LIMCH1: variants seen among roughly 807,000 people sequenced by gnomAD.
LIMCH1 encodes LIM and calponin homology domains-containing protein 1.
Under a neutral mutation model 176.5 loss-of-function variants are expected in LIMCH1, and 113 were observed. The ratio of observed to expected loss-of-function variants is 0.64; its 90% confidence interval spans 0.55 to 0.75. The LOEUF (loss-of-function observed/expected upper bound fraction) is 0.75. Ranked by LOEUF, LIMCH1 falls within the 30% of genes least tolerant of loss-of-function variation. The pLI is 0.00. For synonymous variants in LIMCH1, 619 were observed against 645.9 expected, an observed-to-expected ratio of 0.96 and a Z score of 0.63; for missense variants, 1,674 against 1,814.9, an observed-to-expected ratio of 0.92 and a Z score of 1.41.
intron 1 of LIMCH1, among the ~76,000 whole-genome samples, chr4:41,547,777 T>C (rs13139426): frequency 0.25 from 36,165 of 142,332 alleles, 7,564 homozygotes; most frequent in African/African-American, 0.58. Flanking sequence ...TAAACATACA[T>C]ATAATATACA....
intron 1 of LIMCH1, among the ~76,000 whole-genome samples, chr4:41,463,736 T>A (rs536289023): frequency 1.3e-5 from 2 of 152,046 alleles, no homozygotes; most frequent in South Asian, 2.1e-4. Flanking sequence ...CGCTACCATG[T>A]GTGGCTAATT....
chr4:41,605,783 T>C (rs1473845822), intron 3 of LIMCH1, 111 bp from the exon 4 acceptor site: 3 of 615,198 alleles, frequency 4.9e-6, no homozygotes, highest in Non-Finnish European at 8.9e-6. Context: ...TTAAAATCGA[T>C]GTAAATCAGC....
At chr4:41,612,846 CCTTT>C (rs2091599292) in intron 4 of LIMCH1, 2 of 1,207,026 alleles carry the variant, frequency 1.7e-6, no homozygotes, top group South Asian at 1.7e-5. Flanking sequence ...TTTTTCATTG[CCTTT>C]CTTTTTTTTT....
chr4:41,589,092 T>G (rs1280687688), intron 1 of LIMCH1, among the ~76,000 whole-genome samples: 1 of 152,034 alleles, frequency 6.6e-6, no homozygotes, highest in East Asian at 1.9e-4. Flanking sequence ...GACTGGATCA[T>G]GAAGGAAATA....
At chr4:41,514,212 A>G (rs764883751) in intron 2 of LIMCH1, among the ~76,000 whole-genome samples, 6 of 152,028 alleles carry the variant, frequency 3.9e-5, no homozygotes, top group Non-Finnish European at 8.8e-5. Flanking sequence ...TGGCCCTTAC[A>G]CTAGAGCTAG....
At chr4:41,415,380 C>A (rs2059832816) in intron 1 of LIMCH1, among the ~76,000 whole-genome samples, 1 of 152,060 alleles carries the variant, frequency 6.6e-6, no homozygotes. Flanking sequence ...AAATAAAATT[C>A]TTTAAACTTT....
At chr4:41,451,712 G>T (rs2063906161) in intron 1 of LIMCH1, among the ~76,000 whole-genome samples, 1 of 152,228 alleles carries the variant, frequency 6.6e-6, no homozygotes, top group Admixed American at 6.5e-5. Flanking sequence ...TCACAGATTT[G>T]CAGTTCCTGG....
intron 1 of LIMCH1, among the ~76,000 whole-genome samples, chr4:41,373,998 G>A (rs994375947): frequency 4.0e-4 from 61 of 152,278 alleles, no homozygotes; most frequent in African/African-American, 1.0e-3. Context: ...TGCCATGATT[G>A]TAAGTTTCCT....
intron 2 of LIMCH1, among the ~76,000 whole-genome samples, chr4:41,503,306 C>T (rs917206123): frequency 1.3e-5 from 2 of 152,106 alleles, no homozygotes; most frequent in African/African-American, 2.4e-5. Context: ...GGAGCCAGGA[C>T]GTAGCATGGG....
At chr4:41,441,311 T>C (rs1272157005) in intron 1 of LIMCH1, among the ~76,000 whole-genome samples, 1 of 152,214 alleles carries the variant, frequency 6.6e-6, no homozygotes, top group Non-Finnish European at 1.5e-5. Flanking sequence ...TAAGCAAAGA[T>C]CTAATTAATG....
At chr4:41,519,031 C>T (rs1478969036) in intron 2 of LIMCH1, among the ~76,000 whole-genome samples, 1 of 152,098 alleles carries the variant, frequency 6.6e-6, no homozygotes, top group Non-Finnish European at 1.5e-5. Context: ...GTAAATAGTA[C>T]TACAATAAAC....
chr4:41,603,091 G>T (rs10024768), intron 2 of LIMCH1, among the ~76,000 whole-genome samples: 54,084 of 151,980 alleles, frequency 0.36, 13,647 homozygotes, highest in African/African-American at 0.72. Context: ...CTAAATACTT[G>T]CAGGAATTCT....
intron 1 of LIMCH1, among the ~76,000 whole-genome samples, chr4:41,578,321 G>A (rs2084838149): frequency 6.6e-6 from 1 of 152,148 alleles, no homozygotes; most frequent in South Asian, 2.1e-4. Context: ...ATTATCATGA[G>A]AACAGCGTAG....
At position 41,615,736 on chromosome 4, in the gene LIMCH1, C is replaced by T. The variant is rs576216976; in HGVS notation, c.205+2075C>T. Among the ~76,000 whole-genome samples, 113 of 152,278 alleles carry T rather than the reference C, an allele frequency of 7.4e-4. No homozygotes were observed. In the South Asian group the frequency reaches 0.012, roughly 16 times the overall value. ...ATAAACACTTCCAAATTTGAAAAAACTTGTTGTAAGTCTTGAGAATTTATT... is the reference window on the plus strand; with the variant it reads ...ATAAACACTTCCAAATTTGAAAAAATTTGTTGTAAGTCTTGAGAATTTATT... On this transcript the variant is annotated intron_variant, in intron 5 of 31. Coordinates refer to ENST00000503057, the MANE Select transcript of LIMCH1 (RefSeq NM_001330672.2).
At position 41,646,283 on chromosome 4, in the gene LIMCH1, G is replaced by C; in HGVS notation, c.2411+3G>C. ...TACAGAGAAATTGTTCAAGAAAAGTGAGTTCTTTCTGTTGTCGTTTTTAAT... is the reference window on the plus strand; with the variant it reads ...TACAGAGAAATTGTTCAAGAAAAGTCAGTTCTTTCTGTTGTCGTTTTTAAT... On this transcript the variant is annotated splice_donor_region_variant and intron_variant, in intron 16 of 31. Coordinates refer to ENST00000503057, the MANE Select transcript of LIMCH1 (RefSeq NM_001330672.2). 1 of 1,602,280 alleles carries C rather than the reference G, an allele frequency of 6.2e-7. No individual in the cohort carries two copies. The highest frequency in any genetic ancestry group is 8.5e-7 in the Non-Finnish European group (1 of 1,177,034).
intron 2 of LIMCH1, among the ~76,000 whole-genome samples, chr4:41,497,208 G>T (rs1386587528): frequency 6.6e-6 from 1 of 152,076 alleles, no homozygotes. Flanking sequence ...TTCAACAAAT[G>T]CTCATCTTTT....
At chr4:41,566,512 C>G (rs1013437570) in intron 1 of LIMCH1, among the ~76,000 whole-genome samples, 10 of 152,006 alleles carry the variant, frequency 6.6e-5, no homozygotes, top group African/African-American at 2.4e-4. Context: ...TATCAGAATA[C>G]TGAAGGACAG....
At chr4:41,406,394 A>T (rs925148167) in intron 1 of LIMCH1, among the ~76,000 whole-genome samples, 1 of 152,264 alleles carries the variant, frequency 6.6e-6, no homozygotes, top group Non-Finnish European at 1.5e-5. Context: ...CAGAAGCTTG[A>T]CTTTTACCTC....
intron 18 of LIMCH1, among the ~76,000 whole-genome samples, chr4:41,654,008 A>C (rs1000857243): frequency 6.6e-6 from 1 of 152,218 alleles, no homozygotes; most frequent in African/African-American, 2.4e-5. Flanking sequence ...GTAAATATGA[A>C]TTAAGGACCT....
Sources: gnomAD v4.1 joint callset for allele counts (sites outside exome capture counted in the v4.1 genomes callset) on GRCh38, gnomAD v4.1.1 for gene constraint, MANE v1.5 for transcripts, NCBI Gene and HGNC (gene_info 2026-07-23, HGNC 2026-07-21) for gene names.